RALGPS2: variants seen among roughly 807,000 people sequenced by gnomAD.
RALGPS2 encodes the protein ras-specific guanine nucleotide-releasing factor RalGPS2.
Under a neutral mutation model 86.8 loss-of-function variants are expected in RALGPS2, and 43 were observed. The ratio of observed to expected loss-of-function variants is 0.50; its 90% CI spans 0.39 to 0.64. RALGPS2 has a LOEUF of 0.64. Ranked by LOEUF, RALGPS2 falls within the 30% of genes least tolerant of loss-of-function variation. The pLI is 0.00. For synonymous variants in RALGPS2, 243 were observed against 231.3 expected, an observed-to-expected ratio of 1.05 and a Z score of -0.46; for missense variants, 536 against 694.6, an observed-to-expected ratio of 0.77 and a Z score of 2.57.
intron 2 of RALGPS2, among the ~76,000 whole-genome samples, chr1:178,777,746 A>G (rs1653168775): frequency 1.3e-5 from 2 of 152,316 alleles, no homozygotes; most frequent in African/African-American, 4.8e-5. Flanking sequence ...CCGCATATCT[A>G]CAACTATCTG....
chr1:178,770,018 C>CT (rs35638965), intron 1 of RALGPS2, among the ~76,000 whole-genome samples: 6,280 of 134,132 alleles, frequency 0.047, 214 homozygotes, highest in Middle Eastern at 0.11. Flanking sequence ...TCGATTGCTT[C>CT]TTTTTTTTTT....
chr1:178,851,539 G>A (rs2102291936), intron 8 of RALGPS2, among the ~76,000 whole-genome samples: 1 of 151,512 alleles, frequency 6.6e-6, no homozygotes, highest in Non-Finnish European at 1.5e-5. Flanking sequence ...TGCTTACAAT[G>A]TACTTTTTTA....
At chr1:178,856,356 T>C (rs1490797390) in intron 8 of RALGPS2, among the ~76,000 whole-genome samples, 1 of 143,296 alleles carries the variant, frequency 7.0e-6, no homozygotes, top group Non-Finnish European at 1.5e-5. Flanking sequence ...GCCTCCCAAG[T>C]AGCTAGGACT....
At chr1:178,811,265 C>G in intron 5 of RALGPS2, 50 bp from the exon 6 acceptor site, 1 of 1,407,008 alleles carries the variant, frequency 7.1e-7, no homozygotes, top group East Asian at 2.6e-5. Flanking sequence ...AGCAAAAAAA[C>G]TTACAAATTA....
chr1:178,897,524 T>C, intron 16 of RALGPS2, 140 bp from the exon 17 acceptor site: 1 of 645,214 alleles, frequency 1.5e-6, no homozygotes, highest in Non-Finnish European at 2.7e-6. Flanking sequence ...GAGATTAAGA[T>C]TTCAGAAGTG....
intron 7 of RALGPS2, among the ~76,000 whole-genome samples, chr1:178,828,646 A>G (rs1180638458): frequency 1.3e-5 from 2 of 152,218 alleles, no homozygotes; most frequent in Non-Finnish European, 2.9e-5. Context: ...AAACATACAC[A>G]AGTCCCACAG....
At chr1:178,880,256 A>T (rs909170681) in intron 10 of RALGPS2, among the ~76,000 whole-genome samples, 40 of 152,192 alleles carry the variant, frequency 2.6e-4, no homozygotes, top group Admixed American at 2.6e-3. Context: ...GACAGTTTTT[A>T]AAAAATTTTG....
chr1:178,911,994 T>A (rs573480974), intron 19 of RALGPS2, among the ~76,000 whole-genome samples: 3 of 152,356 alleles, frequency 2.0e-5, no homozygotes, highest in African/African-American at 7.2e-5. Flanking sequence ...ATTGTTATAG[T>A]CTGTTGTATC....
chr1:178,882,264 T>G (rs961595228), intron 10 of RALGPS2, among the ~76,000 whole-genome samples: 1 of 152,224 alleles, frequency 6.6e-6, no homozygotes, highest in Non-Finnish European at 1.5e-5. Flanking sequence ...GGTAGTTATT[T>G]CATTTACTAC....
At chr1:178,876,913 A>T (rs1659030303) in intron 8 of RALGPS2, among the ~76,000 whole-genome samples, 1 of 152,180 alleles carries the variant, frequency 6.6e-6, no homozygotes, top group Non-Finnish European at 1.5e-5. Context: ...TGATCTTTAA[A>T]ATGTAAAACA....
chr1:178,748,389 C>T (rs1651461343), intron 1 of RALGPS2, among the ~76,000 whole-genome samples: 1 of 151,476 alleles, frequency 6.6e-6, no homozygotes, highest in Non-Finnish European at 1.5e-5. Context: ...ACTGAAAGGA[C>T]TTGTGTACTA....
At chr1:178,738,066 A>T (rs1353859306) in intron 1 of RALGPS2, among the ~76,000 whole-genome samples, 1 of 151,860 alleles carries the variant, frequency 6.6e-6, no homozygotes, top group Non-Finnish European at 1.5e-5. Flanking sequence ...AGCATGAGCC[A>T]CCACGCTTGA....
At chr1:178,864,936 C>T (rs752463294) in intron 8 of RALGPS2, 2 of 1,406,774 alleles carry the variant, frequency 1.4e-6, no homozygotes, top group Non-Finnish European at 9.3e-7. Flanking sequence ...CCACTTTTTA[C>T]AGTAAGAGGT....
At chr1:178,758,565 C>A (rs756253144) in intron 1 of RALGPS2, among the ~76,000 whole-genome samples, 63 of 152,236 alleles carry the variant, frequency 4.1e-4, no homozygotes, top group Middle Eastern at 3.4e-3. Context: ...CACTGCCCTT[C>A]TCAGCCTCTG....
chr1:178,788,870 C>CTT (rs1484376568), intron 4 of RALGPS2, among the ~76,000 whole-genome samples: 2 of 96,170 alleles, frequency 2.1e-5, no homozygotes, highest in South Asian at 3.0e-4. Context: ...CTTTTCTTTT[C>CTT]TTTTCTTTTC....
chr1:178,885,315 T>C (rs759757492), intron 12 of RALGPS2, 104 bp downstream of exon 12: 526 of 1,172,252 alleles, frequency 4.5e-4, no homozygotes, highest in Non-Finnish European at 5.9e-4. Flanking sequence ...AATAGTTTTC[T>C]TTTTTCTTAA....
intron 1 of RALGPS2, among the ~76,000 whole-genome samples, chr1:178,756,155 G>T (rs963701469): frequency 6.6e-6 from 1 of 151,898 alleles, no homozygotes; most frequent in African/African-American, 2.4e-5. Flanking sequence ...TTGTGGAAGA[G>T]CTCTTTAATT....
intron 1 of RALGPS2, among the ~76,000 whole-genome samples, chr1:178,761,031 A>G (rs1055535759): frequency 1.3e-5 from 2 of 150,240 alleles, no homozygotes; most frequent in African/African-American, 4.9e-5. Flanking sequence ...CTGGAGTGCA[A>G]TGGCACAATC....
intron 1 of RALGPS2, 119 bp from the exon 2 acceptor site, chr1:178,776,563 A>G (rs1251898729): frequency 7.0e-6 from 3 of 429,308 alleles, no homozygotes; most frequent in South Asian, 4.4e-5. Flanking sequence ...GACTGAGCTA[A>G]GATAATAAAT....
Sources: gnomAD v4.1 joint callset for allele counts (sites outside exome capture counted in the v4.1 genomes callset) on GRCh38, gnomAD v4.1.1 for gene constraint, MANE v1.5 for transcripts, NCBI Gene and HGNC (gene_info 2026-07-23, HGNC 2026-07-21) for gene names.